Variants in NEK11 observed in about 807,000 individuals in gnomAD.
The protein encoded by NEK11 is NIMA related kinase 11.
NEK11 carries 72 observed loss-of-function variants against 80.7 expected under a neutral mutation model. The ratio of observed to expected loss-of-function variants is 0.89; its 90% CI spans 0.74 to 1.08. NEK11 has a LOEUF of 1.08. Ranked by LOEUF, NEK11 falls within the 50% of genes least tolerant of loss-of-function variation. NEK11 has a pLI of 0.00. For synonymous variants in NEK11, 251 were observed against 260.7 expected (o/e 0.96, Z 0.36); for missense variants, 764 against 763.6 (o/e 1.00, Z -0.01).
chr3:131,241,333 A>C (rs1170567705), intron 15 of NEK11, among the ~76,000 whole-genome samples: 1 of 152,192 alleles, frequency 6.6e-6, no homozygotes, highest in Non-Finnish European at 1.5e-5. Context: ...AGTATTCTTT[A>C]AAACAAAATA....
At chr3:131,176,266 G>T (rs2093010352) in intron 14 of NEK11, among the ~76,000 whole-genome samples, 1 of 152,166 alleles carries the variant, frequency 6.6e-6, no homozygotes, top group Non-Finnish European at 1.5e-5. Flanking sequence ...GAGCTGCCTG[G>T]CTCTTTAGTT....
intron 7 of NEK11, among the ~76,000 whole-genome samples, chr3:131,147,324 A>G (rs2088585874): frequency 6.6e-6 from 1 of 152,040 alleles, no homozygotes; most frequent in Admixed American, 6.6e-5. Context: ...TGAAAAAGCC[A>G]TATTTTCCTC....
At chr3:131,287,842 A>G (rs2096491995) in intron 17 of NEK11, among the ~76,000 whole-genome samples, 1 of 152,170 alleles carries the variant, frequency 6.6e-6, no homozygotes, top group Admixed American at 6.5e-5. Context: ...TTATGTAAGG[A>G]AGGCTGAGAT....
At chr3:131,271,248 G>T (rs2096179077) in intron 16 of NEK11, among the ~76,000 whole-genome samples, 1 of 152,190 alleles carries the variant, frequency 6.6e-6, no homozygotes, top group Non-Finnish European at 1.5e-5. Flanking sequence ...ACTGGTGAAT[G>T]TACTATGAGC....
At chr3:131,032,092 G>A (rs1301450183) in intron 3 of NEK11, among the ~76,000 whole-genome samples, 2 of 151,794 alleles carry the variant, frequency 1.3e-5, no homozygotes, top group Non-Finnish European at 2.9e-5. Flanking sequence ...CTCCCAAGTA[G>A]CTGGGATTAC....
At chr3:131,184,595 G>A (rs771513947) in intron 14 of NEK11, 9 of 323,620 alleles carry the variant, frequency 2.8e-5, no homozygotes, top group Admixed American at 1.0e-4. Context: ...TACATTTCAC[G>A]CAGAGATTAA....
At chr3:131,072,009 A>G (rs896422305) in intron 3 of NEK11, among the ~76,000 whole-genome samples, 2 of 152,198 alleles carry the variant, frequency 1.3e-5, no homozygotes, top group African/African-American at 4.8e-5. Flanking sequence ...TTACTGTACT[A>G]CATTCTCTAC....
intron 15 of NEK11, among the ~76,000 whole-genome samples, chr3:131,231,509 G>C (rs147241438): frequency 3.9e-4 from 58 of 150,280 alleles, no homozygotes; most frequent in African/African-American, 1.4e-3. Context: ...ACAATACACA[G>C]TAGAGCAATT....
At chr3:131,195,341 A>C (rs2093959201) in intron 14 of NEK11, among the ~76,000 whole-genome samples, 1 of 151,574 alleles carries the variant, frequency 6.6e-6, no homozygotes, top group South Asian at 2.1e-4. Flanking sequence ...AGATTTTCTT[A>C]GTTTAAGCAC....
At chr3:131,274,689 C>T (rs1177206535) in intron 17 of NEK11, among the ~76,000 whole-genome samples, 2 of 132,952 alleles carry the variant, frequency 1.5e-5, no homozygotes, top group African/African-American at 5.8e-5. Context: ...CTCTGTCGCC[C>T]AGGCCGGACT....
chr3:131,341,899 C>A (rs953199264), intron 17 of NEK11, among the ~76,000 whole-genome samples: 19 of 152,100 alleles, frequency 1.2e-4, no homozygotes, highest in Admixed American at 3.3e-4. Context: ...GGGTATATTT[C>A]TTGTAACAAC....
chr3:131,170,993 G>A (rs544396163), intron 14 of NEK11, 106 bp downstream of exon 14: 2 of 810,902 alleles, frequency 2.5e-6, no homozygotes, highest in South Asian at 2.7e-5. Flanking sequence ...AGCTCTGAGT[G>A]TGTGCAGCTA....
intron 3 of NEK11, 113 bp from the exon 4 acceptor site, chr3:131,080,310 A>G: frequency 1.4e-6 from 1 of 738,832 alleles, no homozygotes. Context: ...GCAATACCAG[A>G]TATATGAGTA....
chr3:131,330,735 T>TAGTC (rs1181535168), intron 17 of NEK11: 2 of 152,196 alleles, frequency 1.3e-5, no homozygotes, highest in African/African-American at 4.8e-5. Flanking sequence ...TTTCTTCACA[T>TAGTC]AGTCCATTTT....
chr3:131,228,457 A>C, intron 14 of NEK11, 71 bp from the exon 15 acceptor site: 2 of 1,336,458 alleles, frequency 1.5e-6, no homozygotes, highest in Non-Finnish European at 2.0e-6. Flanking sequence ...TCCCTGTGAA[A>C]AGATACAGTA....
chr3:131,326,272 T>C (rs1037527015), intron 17 of NEK11: 5 of 152,222 alleles, frequency 3.3e-5, no homozygotes, highest in Non-Finnish European at 4.4e-5. Context: ...CCCAGAGTGA[T>C]CGTGCTGTAA....
At position 131,232,777 on chromosome 3, in the gene NEK11, T is replaced by A. The variant is rs558435239; in HGVS notation, c.1560+4089T>A. Among the ~76,000 whole-genome samples the A allele has an allele frequency of 2.6e-5, 4 of 152,258 alleles. No homozygotes were observed. In the East Asian group the frequency reaches 7.7e-4, roughly 29 times the overall value. On this transcript the variant is annotated intron_variant, in intron 15 of 17. Transcript: ENST00000383366. ...TGCCTCCAAGAGTTCCTGCTGTTAG[T>A]TGAGTCATTAGTTTAATCAGATCAT...
chr3:131,087,742 T>C (rs919597095), intron 4 of NEK11, among the ~76,000 whole-genome samples: 1 of 152,172 alleles, frequency 6.6e-6, no homozygotes, highest in Non-Finnish European at 1.5e-5. Context: ...AGAAGTAAAT[T>C]TGGCAATGAC....
intron 3 of NEK11, among the ~76,000 whole-genome samples, chr3:131,058,545 G>T (rs1030580228): frequency 6.6e-6 from 1 of 152,154 alleles, no homozygotes; most frequent in African/African-American, 2.4e-5. Flanking sequence ...AGGACTAAAA[G>T]AAAGCTGTGG....
Sources: allele counts gnomAD v4.1 joint callset (sites outside exome capture counted in the v4.1 genomes callset), GRCh38; gene constraint gnomAD v4.1.1; transcripts MANE v1.5; gene names NCBI Gene and HGNC (gene_info 2026-07-23, HGNC 2026-07-21).